The following PAN3 variants were observed in gnomAD, a reference collection of about 807,000 sequenced individuals.
PAN3 encodes PAN2-PAN3 deadenylation complex subunit PAN3.
PAN3 carries 19 observed loss-of-function variants against 96.2 expected under a neutral mutation model. The ratio of observed to expected loss-of-function variants is 0.20; its 90% confidence interval spans 0.14 to 0.29. PAN3 has a LOEUF of 0.29. Ranked by LOEUF, PAN3 falls within the 10% of genes least tolerant of loss-of-function variation. PAN3 has a pLI of 1.00. For missense variants in PAN3, 882 were observed against 1,108.1 expected, an observed-to-expected ratio of 0.80 and a Z score of 2.90; for synonymous variants, 433 against 406.6, an observed-to-expected ratio of 1.06 and a Z score of -0.78.
chr13:28,212,740 A>C (rs1286885), intron 5 of PAN3, among the ~76,000 whole-genome samples: 59,907 of 151,970 alleles, frequency 0.39, 13,425 homozygotes, highest in African/African-American at 0.62. Flanking sequence ...ATAGACATTG[A>C]AGAACAGTTT....
At chr13:28,181,090 A>G (rs2138136742) in intron 4 of PAN3, among the ~76,000 whole-genome samples, 1 of 152,342 alleles carries the variant, frequency 6.6e-6, no homozygotes, top group East Asian at 1.9e-4. Flanking sequence ...GCTTGCTTAC[A>G]GGTGATAGAG....
intron 9 of PAN3, among the ~76,000 whole-genome samples, chr13:28,264,524 C>CA (rs534940747): frequency 1.0e-3 from 147 of 146,540 alleles, no homozygotes; most frequent in African/African-American, 2.7e-3. Flanking sequence ...ACTCTGTCTC[C>CA]AAAAAAAAAG....
rs542920414 is a variant in PAN3 at position 28,293,953 on chromosome 13, C to G, written c.*1431C>G. The G allele has an allele frequency of 1.3e-5, 2 of 152,750 alleles. No homozygotes were observed. Among genetic ancestry groups the G allele is most frequent in the South Asian group, 2.1e-4 (1 of 4,828 alleles). The allele number at this position is 152,750 out of a possible 1,614,324, so 9.5% of individuals were successfully genotyped here. ...GTCAGGACAGACTTCCAAGCACTTG[C>G]AACTGATGTTACTGTCTTCAATTTT... is the stretch of plus-strand genomic sequence containing the variant. On this transcript the variant is annotated 3_prime_UTR_variant, in exon 19 of 19. Coordinates refer to ENST00000380958, the MANE Select transcript of PAN3 (RefSeq NM_175854.8).
intron 5 of PAN3, among the ~76,000 whole-genome samples, chr13:28,218,426 AAATC>A (rs139510022): frequency 0.01 from 1,549 of 152,288 alleles, 22 homozygotes; most frequent in African/African-American, 0.035. Context: ...AAGGAATACT[AAATC>A]AAGAAAGGAA....
chr13:28,184,070 C>T (rs1392671149), intron 4 of PAN3, among the ~76,000 whole-genome samples: 2 of 152,054 alleles, frequency 1.3e-5, no homozygotes, highest in Non-Finnish European at 2.9e-5. Context: ...GTTCAGGCCT[C>T]CTCCTCCCCC....
At position 28,292,537 on chromosome 13, in the gene PAN3, GCACGCAGGA is replaced by G; in HGVS notation, c.*18_*26del. Reference sequence around the variant, plus strand: ...GTCAGTTGTAGTATTTGCTAAAAAAGCACGCAGGACATGGCTAAAGACCTTAACCAATAG... The same window carrying G: ...GTCAGTTGTAGTATTTGCTAAAAAAGCATGGCTAAAGACCTTAACCAATAG... On this transcript the variant is annotated 3_prime_UTR_variant, in exon 19 of 19. Transcript: ENST00000380958. The G allele has an allele frequency of 6.2e-7, 1 of 1,600,300 alleles. No individual in the cohort carries two copies. The highest frequency in any genetic ancestry group is 8.5e-7 in the Non-Finnish European group (1 of 1,174,752).
intron 4 of PAN3, among the ~76,000 whole-genome samples, chr13:28,181,504 CAAAA>C (rs894039087): frequency 2.7e-3 from 157 of 57,262 alleles, no homozygotes; most frequent in African/African-American, 9.4e-3. Context: ...AACCCTGTCT[CAAAA>C]AAAAAAAAAA....
intron 18 of PAN3, among the ~76,000 whole-genome samples, chr13:28,288,421 TC>T (rs892338629): frequency 2.0e-5 from 3 of 152,046 alleles, no homozygotes; most frequent in African/African-American, 7.2e-5. Flanking sequence ...TGCCTGAGCC[TC>T]CCGAGTAGCT....
At chr13:28,278,748 A>G (rs1046501813) in intron 15 of PAN3, among the ~76,000 whole-genome samples, 2 of 152,132 alleles carry the variant, frequency 1.3e-5, no homozygotes, top group African/African-American at 4.8e-5. Flanking sequence ...TAGAGTTACA[A>G]AACTGAGCCA....
intron 5 of PAN3, among the ~76,000 whole-genome samples, chr13:28,202,302 C>G (rs894183223): frequency 2.0e-5 from 3 of 152,138 alleles, no homozygotes; most frequent in Admixed American, 6.5e-5. Context: ...TATTATCTGT[C>G]TCTAATTCTT....
chr13:28,176,018 G>A (rs951768808), intron 2 of PAN3, among the ~76,000 whole-genome samples: 1 of 152,150 alleles, frequency 6.6e-6, no homozygotes, highest in African/African-American at 2.4e-5. Flanking sequence ...GACCATACAG[G>A]CTATGGAGTG....
At chr13:28,257,871 G>A (rs187791779) in intron 7 of PAN3, among the ~76,000 whole-genome samples, 114 of 150,046 alleles carry the variant, frequency 7.6e-4, no homozygotes, top group African/African-American at 2.6e-3. Context: ...GGAGGGCAGT[G>A]GTTCAGTCTT....
chr13:28,245,236 A>G (rs1369723171), intron 6 of PAN3, among the ~76,000 whole-genome samples: 1 of 152,194 alleles, frequency 6.6e-6, no homozygotes, highest in Non-Finnish European at 1.5e-5. Flanking sequence ...TGACATCTTT[A>G]TAACAAATGA....
chr13:28,273,670 T>C (rs1295938092), intron 14 of PAN3, among the ~76,000 whole-genome samples: 1 of 152,148 alleles, frequency 6.6e-6, no homozygotes, highest in African/African-American at 2.4e-5. Flanking sequence ...AGTAAATAGG[T>C]CATTCAGTTT....
At chr13:28,264,787 C>A (rs1886023931) in intron 9 of PAN3, among the ~76,000 whole-genome samples, 1 of 152,148 alleles carries the variant, frequency 6.6e-6, no homozygotes, top group Admixed American at 6.5e-5. Context: ...ATTGTGAGTT[C>A]TTGGATCCCA....
chr13:28,250,712 C>T (rs1884645578), intron 6 of PAN3, among the ~76,000 whole-genome samples: 1 of 152,104 alleles, frequency 6.6e-6, no homozygotes, highest in South Asian at 2.1e-4. Context: ...CCATGTTGCC[C>T]AGACTGGCCT....
intron 5 of PAN3, chr13:28,215,226 C>T: frequency 5.6e-6 from 4 of 711,762 alleles, no homozygotes; most frequent in Non-Finnish European, 1.1e-5. Context: ...CATCCTCCCA[C>T]TAGCTTGTCC....
intron 1 of PAN3, among the ~76,000 whole-genome samples, chr13:28,162,456 G>A (rs535452597): frequency 2.7e-4 from 41 of 152,080 alleles, no homozygotes; most frequent in Middle Eastern, 3.4e-3. Flanking sequence ...AGGCCGAGGC[G>A]GGTGGATTGC....
chr13:28,232,248 CA>C (rs1196627335), intron 6 of PAN3, among the ~76,000 whole-genome samples: 1 of 152,040 alleles, frequency 6.6e-6, no homozygotes, highest in Admixed American at 6.6e-5. Context: ...TTAAGATAGA[CA>C]TTGAAGGACA....
Sources: allele counts gnomAD v4.1 joint callset (sites outside exome capture counted in the v4.1 genomes callset), GRCh38; gene constraint gnomAD v4.1.1; transcripts MANE v1.5; gene names NCBI Gene and HGNC (gene_info 2026-07-23, HGNC 2026-07-21).